Variants in SLC24A3 observed in about 807,000 individuals in gnomAD.
SLC24A3 encodes the protein sodium/potassium/calcium exchanger 3.
A neutral mutation model predicts 75.8 loss-of-function variants in SLC24A3; 28 were observed. The observed-to-expected ratio is 0.37, with a 90% CI of 0.27 to 0.51. The LOEUF (loss-of-function observed/expected upper bound fraction) is 0.51. SLC24A3 is among the 20% of genes least tolerant of loss of function. The pLI is 0.94. For synonymous variants in SLC24A3, 372 were observed against 334.1 expected (o/e 1.11, Z -1.24); for missense variants, 663 against 847.8 (o/e 0.78, Z 2.71).
chr20:19,577,574 A>G (rs1176130647), intron 3 of SLC24A3, among the ~76,000 whole-genome samples: 1 of 152,246 alleles, frequency 6.6e-6, no homozygotes, highest in Admixed American at 6.5e-5. Context: ...TACAAAATAT[A>G]GTTATGGATT....
intron 3 of SLC24A3, among the ~76,000 whole-genome samples, chr20:19,537,290 C>T (rs1422614182): frequency 1.1e-4 from 16 of 152,176 alleles, no homozygotes; most frequent in East Asian, 7.7e-4. Context: ...TCATCATCAC[C>T]GGCCATCAGA....
chr20:19,573,161 T>G (rs2031080174), intron 3 of SLC24A3, among the ~76,000 whole-genome samples: 2 of 152,190 alleles, frequency 1.3e-5, no homozygotes, highest in Non-Finnish European at 2.9e-5. Context: ...TGACTGTCGA[T>G]GCAACATAAA....
At chr20:19,635,533 T>C (rs1037246009) in intron 6 of SLC24A3, among the ~76,000 whole-genome samples, 1 of 152,238 alleles carries the variant, frequency 6.6e-6, no homozygotes, top group African/African-American at 2.4e-5. Context: ...CACATAATTC[T>C]TCTCAGTGAT....
At chr20:19,482,761 T>G (rs1676266258) in intron 2 of SLC24A3, among the ~76,000 whole-genome samples, 1 of 152,232 alleles carries the variant, frequency 6.6e-6, no homozygotes, top group Admixed American at 6.5e-5. Flanking sequence ...GTGAGAACCC[T>G]TCTGCTGAGA....
In SLC24A3 at chr20:19,696,933, G is replaced by A. The variant is rs1050767122; in HGVS notation, c.1606+22G>A. 5 of 1,059,094 alleles carry A rather than the reference G, an allele frequency of 4.7e-6. No homozygotes were observed. In the African/African-American group the frequency reaches 4.9e-5, roughly 10 times the overall value. 65.6% of individuals were successfully genotyped at this position (1,059,094 alleles called of 1,614,324 possible). A position where few individuals can be genotyped will look rare whatever the true frequency, so the allele number is the denominator to read the frequency against. ...CAAGGTGGGACTTCCAGTGGCAATG[G>A]GGAAGGAGGGAGGGAGGGAGGAGGA... On this transcript the variant is annotated intron_variant, in intron 14 of 16. Transcript: ENST00000328041.
intron 6 of SLC24A3, among the ~76,000 whole-genome samples, chr20:19,615,504 C>T (rs190533529): frequency 1.9e-4 from 29 of 152,266 alleles, no homozygotes; most frequent in Admixed American, 1.4e-3. Flanking sequence ...GCATATCACA[C>T]GGCCAGAGCA....
intron 3 of SLC24A3, among the ~76,000 whole-genome samples, chr20:19,565,102 G>A (rs1199203012): frequency 6.6e-6 from 1 of 152,214 alleles, no homozygotes; most frequent in Non-Finnish European, 1.5e-5. Context: ...AACACACCCG[G>A]CTTCCATCCT....
chr20:19,363,924 T>C (rs6035309), intron 2 of SLC24A3, among the ~76,000 whole-genome samples: 150,859 of 152,220 alleles, frequency 0.99, 74,756 homozygotes, highest in Middle Eastern at 1. Flanking sequence ...TGAGTGTCTG[T>C]GGGGAGACAG....
intron 1 of SLC24A3, among the ~76,000 whole-genome samples, chr20:19,241,387 C>T (rs954865455): frequency 2.0e-5 from 3 of 152,148 alleles, no homozygotes; most frequent in African/African-American, 7.2e-5. Context: ...AGCTGTCCAC[C>T]CCTCACTCCC....
intron 2 of SLC24A3, among the ~76,000 whole-genome samples, chr20:19,402,971 G>T (rs568586402): frequency 2.6e-5 from 4 of 152,128 alleles, no homozygotes; most frequent in Non-Finnish European, 5.9e-5. Context: ...CTGAATTTTT[G>T]AATTTTATTA....
chr20:19,453,817 T>C (rs979589516), intron 2 of SLC24A3, among the ~76,000 whole-genome samples: 16 of 152,116 alleles, frequency 1.1e-4, no homozygotes, highest in African/African-American at 3.9e-4. Context: ...CTGCCCACTG[T>C]GAGAACAACG....
chr20:19,640,160 C>T (rs910254091), intron 6 of SLC24A3, among the ~76,000 whole-genome samples: 1 of 152,228 alleles, frequency 6.6e-6, no homozygotes, highest in Non-Finnish European at 1.5e-5. Flanking sequence ...GGAGAGCGAG[C>T]GAGGGCTGTG....
At chr20:19,314,882 T>G (rs1224336898) in intron 2 of SLC24A3, among the ~76,000 whole-genome samples, 1 of 152,242 alleles carries the variant, frequency 6.6e-6, no homozygotes, top group Non-Finnish European at 1.5e-5. Context: ...ACGTTTCAGA[T>G]GTGTGATTTA....
chr20:19,320,372 A>G (rs920340600), intron 2 of SLC24A3, among the ~76,000 whole-genome samples: 2 of 152,078 alleles, frequency 1.3e-5, no homozygotes, highest in East Asian at 1.9e-4. Context: ...TTGATGCTGA[A>G]TTGCTATTCT....
intron 9 of SLC24A3, among the ~76,000 whole-genome samples, chr20:19,676,258 A>G (rs2032522647): frequency 6.6e-6 from 1 of 152,188 alleles, no homozygotes; most frequent in African/African-American, 2.4e-5. Flanking sequence ...GTACAGTAAG[A>G]TAGTACAGCG....
At chr20:19,427,302 G>A (rs1376994796) in intron 2 of SLC24A3, among the ~76,000 whole-genome samples, 1 of 152,164 alleles carries the variant, frequency 6.6e-6, no homozygotes, top group Non-Finnish European at 1.5e-5. Flanking sequence ...ACACATCATA[G>A]TGTCCCCAGA....
At chr20:19,426,135 A>G (rs370743394) in intron 2 of SLC24A3, among the ~76,000 whole-genome samples, 8 of 152,244 alleles carry the variant, frequency 5.3e-5, no homozygotes, top group African/African-American at 1.9e-4. Context: ...GTTTATGCCA[A>G]TAACACCAAT....
At chr20:19,614,720 G>A (rs145981736) in intron 6 of SLC24A3, among the ~76,000 whole-genome samples, 1 of 152,172 alleles carries the variant, frequency 6.6e-6, no homozygotes, top group Non-Finnish European at 1.5e-5. Context: ...TTGCCATGTG[G>A]ATTCAAGTTA....
intron 1 of SLC24A3, among the ~76,000 whole-genome samples, chr20:19,217,910 C>A (rs888530327): frequency 3.3e-5 from 5 of 152,138 alleles, no homozygotes; most frequent in Admixed American, 2.0e-4. Flanking sequence ...TCTGAATACA[C>A]CATATGTTCC....
Sources: allele counts gnomAD v4.1 joint callset (sites outside exome capture counted in the v4.1 genomes callset), GRCh38; gene constraint gnomAD v4.1.1; transcripts MANE v1.5; gene names NCBI Gene and HGNC (gene_info 2026-07-23, HGNC 2026-07-21).